The following MRC2 variants were observed in gnomAD, a reference collection of about 807,000 sequenced individuals.
The protein encoded by MRC2 is C-type mannose receptor 2.
In MRC2, 84 loss-of-function variants were observed where a neutral mutation model predicts 206.2. That is an observed-to-expected ratio of 0.41 (90% confidence interval 0.34 to 0.49). MRC2 has a LOEUF of 0.49. Ranked by LOEUF, MRC2 falls within the 20% of genes least tolerant of loss-of-function variation. The pLI is 0.31. For synonymous variants in MRC2, 798 were observed against 800.0 expected, an observed-to-expected ratio of 1.00 and a Z score of 0.04; for missense variants, 1,676 against 2,001.5, an observed-to-expected ratio of 0.84 and a Z score of 3.10.
At chr17:62,676,617 C>T (rs1298911030) in intron 11 of MRC2, 86 bp downstream of exon 11, 2 of 1,478,264 alleles carry the variant, frequency 1.4e-6, no homozygotes, top group Non-Finnish European at 1.8e-6. Context: ...CCCAGGGCTT[C>T]CCCATAAACA....
In MRC2 at chr17:62,680,817, C is replaced by T; in HGVS notation, c.2491C>T (p.Arg831Cys). Residue 831 changes from arginine to cysteine, a missense_variant, in exon 17 of 30, where the codon CGC (arginine) becomes TGC (cysteine). Physicochemically the swap from Arg to Cys is radical, Grantham distance 180. This residue lies in a region of MRC2 where 1,354 missense variants were observed against 1,636.6 expected (regional missense o/e 0.83). Transcript: ENST00000303375. This position sits in a 1 kb window ranked among gnomAD's most constrained non-coding sequence, Gnocchi z 4.8. ...TCCTGCAGGCCGACGGGAATGGCTG[C>T]GCTTCCAGGAGGCCGAGTACAAGTT... ...DSPQGRREWLRFQEAEYKFFE... is the reference protein window; with the variant it reads ...DSPQGRREWLCFQEAEYKFFE... The T allele has an allele frequency of 3.7e-6, 6 of 1,611,076 alleles. No individual in the cohort carries two copies. Among genetic ancestry groups the T allele is most frequent in the Non-Finnish European group, 5.1e-6 (6 of 1,179,040 alleles).
rs1568063745 is a variant in MRC2 at position 62,671,519 on chromosome 17, C to T, written c.1118-130C>T. ...CATTTCCAAGACCTGTGGTGGGGAC[C>T]GGGATTGATCTGGGAGAGTTTGGAG... On this transcript the variant is annotated intron_variant, in intron 6 of 29. Coordinates refer to ENST00000303375, the MANE Select transcript of MRC2 (RefSeq NM_006039.5). The surrounding 1 kb of genome is among the most constrained non-coding windows in gnomAD (Gnocchi z 4.5). The T allele has an allele frequency of 1.5e-5, 12 of 778,832 alleles. No homozygotes were observed. Among genetic ancestry groups the T allele is most frequent in the South Asian group, 5.3e-5 (2 of 38,028 alleles). 48.2% of individuals were successfully genotyped at this position (778,832 alleles called of 1,614,324 possible).
At chr17:62,627,966 A>G in intron 1 of MRC2, 46 bp downstream of exon 1, 6 of 1,285,962 alleles carry the variant, frequency 4.7e-6, no homozygotes, top group Admixed American at 7.3e-5. Context: ...GGGCGGGGGG[A>G]GCGCCGAGGC....
chr17:62,688,730 C>T, intron 22 of MRC2, 66 bp downstream of exon 22: 2 of 1,595,752 alleles, frequency 1.3e-6, no homozygotes, highest in Non-Finnish European at 1.7e-6. Flanking sequence ...TGCCTTTGCC[C>T]CAGCATCTCT....
In MRC2 at chr17:62,690,957, C is replaced by T. The variant is rs1267553642; in HGVS notation, c.4021C>T (p.Leu1341=). Residue 1341 remains leucine (L), a synonymous_variant, in exon 28 of 30, where the codon CTG becomes TTG. Coordinates refer to ENST00000303375, the MANE Select transcript of MRC2 (RefSeq NM_006039.5). ...GMNFNPKGGT[L]VWQDNTAVNY... is the part of the protein sequence containing the mutation. Reference sequence around the variant, plus strand: ...TGCCTTCTTTCCTGCAGGAGGCACTCTGGTCTGGCAGGACAACACAGCTGT... The same window carrying T: ...TGCCTTCTTTCCTGCAGGAGGCACTTTGGTCTGGCAGGACAACACAGCTGT... 17 of 1,601,108 alleles carry T rather than the reference C, an allele frequency of 1.1e-5. No homozygotes were observed. The highest frequency in any genetic ancestry group is 1.4e-5 in the Non-Finnish European group (17 of 1,174,752).
intron 1 of MRC2, among the ~76,000 whole-genome samples, chr17:62,649,307 C>T (rs899215226): frequency 6.6e-6 from 1 of 152,198 alleles, no homozygotes. Flanking sequence ...TTAAAGAGTG[C>T]CATTTGGGCG....
intron 1 of MRC2, among the ~76,000 whole-genome samples, chr17:62,628,278 G>A (rs1305333509): frequency 2.0e-5 from 3 of 152,100 alleles, no homozygotes; most frequent in Non-Finnish European, 4.4e-5. Flanking sequence ...CAGGGGACCT[G>A]CAGGGCGCGC....
At chr17:62,686,018 C>T (rs1212519664) in intron 20 of MRC2, among the ~76,000 whole-genome samples, 1 of 152,188 alleles carries the variant, frequency 6.6e-6, no homozygotes, top group Non-Finnish European at 1.5e-5. Flanking sequence ...TCTTGGAAGA[C>T]AATTTTTCCA....
At chr17:62,690,828 CCCTGAGCCTTGT>C (rs2089100005) in intron 27 of MRC2, 67 bp downstream of exon 27, 1 of 1,515,610 alleles carries the variant, frequency 6.6e-7, no homozygotes, top group African/African-American at 1.4e-5. Context: ...CTCCACTTTG[CCCTGAGCCTTGT>C]CCTGGGGCTT....
In MRC2 at chr17:62,679,802, A is replaced by C. The variant is rs1380661039; in HGVS notation, c.2198A>C (p.Glu733Ala). ...CCCACTCCTGGGTTGTGCTGAAGTG[A>C]ATCAGAACCCGAGATCCACGAGCAG... ...VANMLNKIFG[E>A]SEPEIHEQHW... Residue 733 changes from glutamate (E) to alanine (A), a missense_variant and splice_region_variant, in exon 14 of 30, where the codon GAA (glutamate) becomes GCA (alanine). By Grantham distance (107) the Glu-to-Ala change is moderately radical. This residue lies in a region of MRC2 where 1,354 missense variants were observed against 1,636.6 expected (regional missense o/e 0.83). Transcript: ENST00000303375. 4 of 1,613,602 alleles carry C rather than the reference A, an allele frequency of 2.5e-6. No individual in the cohort carries two copies. Among genetic ancestry groups the C allele is most frequent in the Non-Finnish European group, 1.7e-6 (2 of 1,179,902 alleles).
At chr17:62,677,040 G>C (rs979876997) in intron 11 of MRC2, among the ~76,000 whole-genome samples, 1 of 152,212 alleles carries the variant, frequency 6.6e-6, no homozygotes, top group African/African-American at 2.4e-5. Flanking sequence ...AAGCAGGCTC[G>C]GTGAGGTTAA....
At position 62,689,553 on chromosome 17, in the gene MRC2, GC is replaced by G. The variant is rs748528787; in HGVS notation, c.3372del (p.Ala1125ProfsTer80). ...PSLSPSPAAL[P>X]PAPGTELSYL... ...CCCTGAGCCCGTCCCCAGCAGCGCT[GC>G]CCCCCGCCCCGGGCACTGAGCTCTC... is the stretch of plus-strand genomic sequence containing the variant. On this transcript the variant is annotated frameshift_variant, in exon 24 of 30. Coordinates refer to ENST00000303375, the MANE Select transcript of MRC2 (RefSeq NM_006039.5). LOFTEE classifies it high-confidence loss of function. 3 of 1,591,856 alleles carry G rather than the reference GC, an allele frequency of 1.9e-6. No homozygotes were observed. The highest frequency in any genetic ancestry group is 2.6e-6 in the Non-Finnish European group (3 of 1,168,654).
rs779491205 is a variant in MRC2, at chr17:62,666,799, A to G, written c.902A>G (p.Asn301Ser). ...GYSSTLWIGL[N>S]DLDTSGGWQW... Reference sequence around the variant, plus strand: ...AGCTCCACCCTGTGGATCGGCTTGAATGACTTGGACACGAGCGGAGGCTGG... The same window carrying G: ...AGCTCCACCCTGTGGATCGGCTTGAGTGACTTGGACACGAGCGGAGGCTGG... The change falls in exon 5 of 30, where the codon AAT (asparagine) becomes AGT (serine). Residue 301 changes from asparagine to serine, a missense_variant. Transcript: ENST00000303375. This position sits in a 1 kb window ranked among gnomAD's most constrained non-coding sequence, Gnocchi z 5.0. The G allele has an allele frequency of 3.1e-6, 5 of 1,613,408 alleles. No individual in the cohort carries two copies. In the South Asian group the frequency reaches 5.5e-5, roughly 18 times the overall value.
At chr17:62,647,201 T>TTTTTTTC (rs397857980) in intron 1 of MRC2, among the ~76,000 whole-genome samples, 1 of 150,850 alleles carries the variant, frequency 6.6e-6, no homozygotes, top group African/African-American at 2.4e-5. Context: ...TTTTTTTTTT[T>TTTTTTTC]GAGACAGAGT....
At chr17:62,684,148 CG>C (rs1555679840) in intron 20 of MRC2, 1 of 152,164 alleles carries the variant, frequency 6.6e-6, no homozygotes, top group Non-Finnish European at 1.5e-5. Flanking sequence ...ACAGGTCTAA[CG>C]TGTTGAAAAT....
At chr17:62,673,261 G>A (rs1480772490) in intron 8 of MRC2, among the ~76,000 whole-genome samples, 2 of 152,144 alleles carry the variant, frequency 1.3e-5, no homozygotes, top group African/African-American at 4.8e-5. Flanking sequence ...GCTGGCTGGG[G>A]GCCTGTGGAT....
intron 1 of MRC2, among the ~76,000 whole-genome samples, chr17:62,645,700 A>AT (rs1301315882): frequency 7.5e-5 from 11 of 147,172 alleles, no homozygotes; most frequent in East Asian, 4.0e-4. Context: ...ACTGCAGCTA[A>AT]TTTTTTTTTC....
At chr17:62,640,366 C>G (rs964851614) in intron 1 of MRC2, among the ~76,000 whole-genome samples, 1 of 152,018 alleles carries the variant, frequency 6.6e-6, no homozygotes, top group Admixed American at 6.6e-5. Flanking sequence ...GAAAACGTAC[C>G]AGGCATGGTA....
In MRC2 at chr17:62,681,296, G is replaced by A. The variant is rs181208563; in HGVS notation, c.2702+167G>A. ...GCCTTGGTTTTCTCATCTGAAAATG[G>A]GAATATGAGGCCTGCCTGGTAAGAT... is the stretch of plus-strand genomic sequence containing the variant. On this transcript the variant is annotated intron_variant, in intron 18 of 29. Coordinates refer to ENST00000303375, the MANE Select transcript of MRC2 (RefSeq NM_006039.5). The A allele has an allele frequency of 2.9e-3, 2,138 of 735,956 alleles. 7 individuals are homozygous for A. Among genetic ancestry groups the A allele is most frequent in the Non-Finnish European group, 4.3e-3 (1,960 of 455,286 alleles). The allele number at this position is 735,956 out of a possible 1,614,324, so 45.6% of individuals were successfully genotyped here.
Sources: gnomAD v4.1 joint callset for allele counts (sites outside exome capture counted in the v4.1 genomes callset) on GRCh38, gnomAD v4.1.1 for gene constraint, gnomAD v4.1.1 regional missense constraint, Gnocchi (gnomAD v3.1) non-coding constraint, MANE v1.5 for transcripts, NCBI Gene and HGNC (gene_info 2026-07-23, HGNC 2026-07-21) for gene names.